Variants in ATAD2B observed in about 807,000 individuals in gnomAD.
ATAD2B encodes the protein ATPase family AAA domain containing 2B.
Under a neutral mutation model 167.6 loss-of-function variants are expected in ATAD2B, and 40 were observed. The observed-to-expected ratio is 0.24, with a 90% CI of 0.19 to 0.31. ATAD2B has a LOEUF of 0.31. Among genes scored for constraint, ATAD2B ranks in the 10% least tolerant of loss-of-function variants. The pLI is 1.00. For synonymous variants in ATAD2B, 579 were observed against 596.5 expected (o/e 0.97, Z 0.43); for missense variants, 1,242 against 1,757.2 (o/e 0.71, Z 5.24).
intron 10 of ATAD2B, among the ~76,000 whole-genome samples, chr2:23,866,614 C>A (rs945565233): frequency 1.3e-5 from 2 of 152,068 alleles, no homozygotes; most frequent in African/African-American, 4.8e-5. Context: ...TAGGTAAGGT[C>A]TTCTGAGAAG....
chr2:23,829,694 T>G (rs1203654651), intron 14 of ATAD2B, among the ~76,000 whole-genome samples: 1 of 152,162 alleles, frequency 6.6e-6, no homozygotes, highest in Non-Finnish European at 1.5e-5. Flanking sequence ...GGTCGAGGCC[T>G]GCAGTGTGCT....
intron 13 of ATAD2B, 70 bp from the exon 14 acceptor site, chr2:23,834,148 CTTTCT>C: frequency 3.5e-5 from 4 of 113,984 alleles, no homozygotes; most frequent in African/African-American, 9.2e-5. Context: ...GTTTATCAGT[CTTTCT>C]TTTTTTTTTT....
At chr2:23,721,206 T>G in the ATAD2B span, among the ~76,000 whole-genome samples, 3 of 152,118 alleles carry the variant, frequency 2.0e-5, no homozygotes, top group East Asian at 5.8e-4. Context: ...GCTAAACGCC[T>G]GCACCCAGGG....
intron 1 of ATAD2B, among the ~76,000 whole-genome samples, chr2:23,914,237 C>T (rs1164917207): frequency 6.6e-6 from 1 of 151,946 alleles, no homozygotes; most frequent in African/African-American, 2.4e-5. Context: ...TCAGAATGAA[C>T]AAAATGAATC....
chr2:23,888,000 A>T lies in ATAD2B; in HGVS notation c.419-15T>A. On this transcript the variant is annotated splice_polypyrimidine_tract_variant and intron_variant, in intron 3 of 27. Coordinates refer to ENST00000238789, the MANE Select transcript of ATAD2B (RefSeq NM_017552.4). ...GCTTCGAAGGGCTACAAGAAGAGAG[A>T]TATTTACATTTCAAAGTACAGAATA... The T allele has an allele frequency of 6.5e-7, 1 of 1,531,220 alleles. No homozygotes were observed. The highest frequency in any genetic ancestry group is 1.3e-5 in the South Asian group (1 of 76,802). The allele number at this position is 1,531,220 out of a possible 1,614,324, so 94.9% of individuals were successfully genotyped here.
intron 2 of ATAD2B, among the ~76,000 whole-genome samples, chr2:23,895,042 G>T (rs887682139): frequency 1.3e-5 from 2 of 152,012 alleles, no homozygotes; most frequent in African/African-American, 4.8e-5. Context: ...ATTTTTAAAT[G>T]CTTGAAGAAT....
At chr2:23,717,733 G>A in the ATAD2B span, among the ~76,000 whole-genome samples, 1 of 152,210 alleles carries the variant, frequency 6.6e-6, no homozygotes, top group African/African-American at 2.4e-5. Flanking sequence ...GGCAATAAAA[G>A]CACTGCAGAA....
At chr2:23,678,127 G>A in the ATAD2B span, among the ~76,000 whole-genome samples, 38 of 152,154 alleles carry the variant, frequency 2.5e-4, no homozygotes, top group African/African-American at 8.9e-4. Context: ...AACTTGTGTC[G>A]TTTGGTGAAA....
At chr2:23,865,353 A>T (rs780139519) in intron 10 of ATAD2B, among the ~76,000 whole-genome samples, 2 of 152,086 alleles carry the variant, frequency 1.3e-5, no homozygotes, top group Middle Eastern at 3.2e-3. Flanking sequence ...ACATGGTGAA[A>T]CACCATCTCT....
intron 20 of ATAD2B, among the ~76,000 whole-genome samples, chr2:23,787,404 G>A (rs1340373723): frequency 1.3e-5 from 2 of 151,914 alleles, no homozygotes; most frequent in African/African-American, 4.8e-5. Flanking sequence ...AAGCATGAAA[G>A]ATTGAAATAA....
At chr2:23,735,876 A>G in the ATAD2B span, among the ~76,000 whole-genome samples, 2 of 152,192 alleles carry the variant, frequency 1.3e-5, no homozygotes, top group Non-Finnish European at 2.9e-5. Flanking sequence ...GGAGGAGGGG[A>G]CCATCTGTGC....
intron 15 of ATAD2B, among the ~76,000 whole-genome samples, chr2:23,825,967 C>T (rs1213887396): frequency 1.3e-5 from 2 of 152,186 alleles, no homozygotes; most frequent in Middle Eastern, 3.4e-3. Flanking sequence ...TAGATTTTCA[C>T]ATTAATTATT....
At chr2:23,764,919 A>G (rs915589201) in intron 23 of ATAD2B, among the ~76,000 whole-genome samples, 18 of 152,140 alleles carry the variant, frequency 1.2e-4, no homozygotes, top group African/African-American at 4.3e-4. Context: ...ACTCTGATCA[A>G]AATGCTGGGT....
intron 6 of ATAD2B, 85 bp from the exon 7 acceptor site, chr2:23,880,840 C>T: frequency 2.6e-6 from 2 of 778,884 alleles, no homozygotes; most frequent in South Asian, 3.3e-5. Context: ...AATATTTACA[C>T]TTTATCCATT....
At chr2:23,747,964 T>C (rs970174216), downstream of ATAD2B, among the ~76,000 whole-genome samples, 7 of 152,112 alleles carry the variant, frequency 4.6e-5, no homozygotes, top group African/African-American at 7.2e-5. Context: ...CCTCAAATTA[T>C]AAGCTTTTTA....
chr2:23,757,648 A>G lies in ATAD2B; in HGVS notation c.3848T>C (p.Leu1283Pro). The G allele has an allele frequency of 6.2e-7, 1 of 1,613,846 alleles. No homozygotes were observed. The highest frequency in any genetic ancestry group is 1.3e-5 in the African/African-American group (1 of 75,036). Residue 1283 changes from leucine (L) to proline (P), a missense_variant, in exon 25 of 28, where the codon CTG becomes CCG. Around this residue, in one of 9 missense-constraint regions of ATAD2B, gnomAD observed 282 missense variants for 346.8 expected, o/e 0.81. Coordinates refer to ENST00000238789, the MANE Select transcript of ATAD2B (RefSeq NM_017552.4). The part of the protein sequence containing the change: ...STDSFEGIPV[L>P]ECQNGKLEVV... ...TTCAAGCTTGCCATTCTGACATTCC[A>G]GAACTGGTATTCCTTCAAAACTGTC...
At chr2:23,769,184 T>A (rs1323768665) in intron 22 of ATAD2B, among the ~76,000 whole-genome samples, 1 of 152,156 alleles carries the variant, frequency 6.6e-6, no homozygotes, top group Non-Finnish European at 1.5e-5. Context: ...CTCACGCCTG[T>A]AATCCCAGCA....
chr2:23,863,580 G>T, intron 11 of ATAD2B, 25 bp from the exon 12 acceptor site: 1 of 1,528,282 alleles, frequency 6.5e-7, no homozygotes, highest in Non-Finnish European at 8.8e-7. Flanking sequence ...AAATCAAGAA[G>T]TGTAAATTAT....
At chr2:23,681,443 A>G in the ATAD2B span, among the ~76,000 whole-genome samples, 1 of 152,174 alleles carries the variant, frequency 6.6e-6, no homozygotes, top group African/African-American at 2.4e-5. The surrounding 1 kb of genome is among the most constrained non-coding windows in gnomAD (Gnocchi z 4.2). Context: ...AGATAGAATC[A>G]TTGCCGGGAC....
Sources: gnomAD v4.1 joint callset for allele counts (sites outside exome capture counted in the v4.1 genomes callset) on GRCh38, gnomAD v4.1.1 for gene constraint, gnomAD v4.1.1 regional missense constraint, Gnocchi (gnomAD v3.1) non-coding constraint, MANE v1.5 for transcripts, NCBI Gene and HGNC (gene_info 2026-07-23, HGNC 2026-07-21) for gene names.